AHI1: variants seen among roughly 807,000 people sequenced by gnomAD.
AHI1 encodes jouberin.
Under a neutral mutation model 149.3 loss-of-function variants are expected in AHI1, and 123 were observed. That is an observed-to-expected ratio of 0.82 (90% CI 0.71 to 0.96). The LOEUF (loss-of-function observed/expected upper bound fraction) is 0.96. AHI1 is among the 40% of genes least tolerant of loss of function. AHI1 has a pLI of 0.00. For synonymous variants in AHI1, 475 were observed against 459.8 expected (o/e 1.03, Z -0.42); for missense variants, 1,439 against 1,422.7 (o/e 1.01, Z -0.18).
At chr6:135,316,704 C>G (rs574994598) in intron 26 of AHI1, among the ~76,000 whole-genome samples, 2 of 152,090 alleles carry the variant, frequency 1.3e-5, no homozygotes, top group African/African-American at 4.8e-5. Flanking sequence ...CTATGACATA[C>G]TTTCTGGGCT....
At chr6:135,406,113 G>C (rs1028995060) in intron 21 of AHI1, among the ~76,000 whole-genome samples, 1 of 152,164 alleles carries the variant, frequency 6.6e-6, no homozygotes, top group African/African-American at 2.4e-5. Flanking sequence ...TTGACTGCAT[G>C]TTGCTGCCAC....
At chr6:135,329,947 C>G (rs1788289366) in intron 24 of AHI1, among the ~76,000 whole-genome samples, 1 of 152,180 alleles carries the variant, frequency 6.6e-6, no homozygotes, top group African/African-American at 2.4e-5. Context: ...AGCAAGAAAA[C>G]TAGAATTAGA....
intron 25 of AHI1, among the ~76,000 whole-genome samples, chr6:135,319,550 A>T (rs1484653506): frequency 1.3e-5 from 2 of 152,242 alleles, no homozygotes; most frequent in Non-Finnish European, 2.9e-5. Flanking sequence ...TATGATATTG[A>T]ATCTATATAC....
intron 5 of AHI1, among the ~76,000 whole-genome samples, chr6:135,477,719 A>C (rs1792924644): frequency 6.6e-6 from 1 of 151,754 alleles, no homozygotes; most frequent in Admixed American, 6.6e-5. Context: ...CTTCCCCTTC[A>C]CCTTCCACCA....
chr6:135,379,973 C>A, intron 23 of AHI1, among the ~76,000 whole-genome samples: 1 of 103,366 alleles, frequency 9.7e-6, no homozygotes, highest in Admixed American at 9.4e-5. Context: ...TCCCTCCCTC[C>A]CCTTCACCCT....
chr6:135,303,322 T>C (rs1293544215), intron 26 of AHI1, among the ~76,000 whole-genome samples: 1 of 152,182 alleles, frequency 6.6e-6, no homozygotes, highest in African/African-American at 2.4e-5. Context: ...GAGACTTAAA[T>C]AAGGCAAATT....
At chr6:135,334,972 C>T (rs1014100492) in intron 24 of AHI1, among the ~76,000 whole-genome samples, 6 of 152,140 alleles carry the variant, frequency 3.9e-5, no homozygotes, top group South Asian at 2.1e-4. Flanking sequence ...ATGTACCTAA[C>T]GTTTAGTTAA....
At chr6:135,289,926 A>C (rs1205948885) in intron 28 of AHI1, among the ~76,000 whole-genome samples, 1 of 147,598 alleles carries the variant, frequency 6.8e-6, no homozygotes, top group Non-Finnish European at 1.5e-5. Context: ...ATCCAAACAC[A>C]TTTTCCCACT....
chr6:135,429,195 T>G (rs1784313519), intron 18 of AHI1, among the ~76,000 whole-genome samples: 1 of 151,700 alleles, frequency 6.6e-6, no homozygotes, highest in African/African-American at 2.4e-5. Flanking sequence ...ATATTTGATC[T>G]CTGAAAAAAA....
intron 8 of AHI1, among the ~76,000 whole-genome samples, chr6:135,460,932 G>A (rs1320491702): frequency 6.6e-6 from 1 of 152,068 alleles, no homozygotes; most frequent in South Asian, 2.1e-4. Flanking sequence ...CTGATGAACT[G>A]CATATCTAAA....
At chr6:135,332,339 T>C (rs1428594047) in intron 24 of AHI1, among the ~76,000 whole-genome samples, 2 of 152,232 alleles carry the variant, frequency 1.3e-5, no homozygotes, top group Non-Finnish European at 2.9e-5. Flanking sequence ...AGTGTTGGGA[T>C]TACAGGCGTA....
At chr6:135,342,314 A>T (rs1049315271) in intron 24 of AHI1, among the ~76,000 whole-genome samples, 1 of 151,976 alleles carries the variant, frequency 6.6e-6, no homozygotes, top group South Asian at 2.1e-4. Context: ...CCCAGAATGC[A>T]TCATTGGTGA....
At chr6:135,319,757 T>A (rs1250769461) in intron 25 of AHI1, among the ~76,000 whole-genome samples, 1 of 152,234 alleles carries the variant, frequency 6.6e-6, no homozygotes, top group Non-Finnish European at 1.5e-5. Flanking sequence ...TTATGAGATA[T>A]ACTAATTGTC....
At chr6:135,446,592 A>ATC (rs1787265865) in intron 13 of AHI1, among the ~76,000 whole-genome samples, 2 of 152,230 alleles carry the variant, frequency 1.3e-5, no homozygotes, top group South Asian at 4.1e-4. Context: ...GAGAAAGGTG[A>ATC]TCTCTCTCTC....
chr6:135,341,346 C>T (rs1582693993), intron 24 of AHI1, among the ~76,000 whole-genome samples: 1 of 151,988 alleles, frequency 6.6e-6, no homozygotes. Context: ...AAAACTCACT[C>T]ACTAGAGACA....
At chr6:135,334,855 A>C (rs1393023881) in intron 24 of AHI1, among the ~76,000 whole-genome samples, 1 of 152,186 alleles carries the variant, frequency 6.6e-6, no homozygotes, top group Non-Finnish European at 1.5e-5. Flanking sequence ...ATCACCTGGA[A>C]ACTTGTTAGA....
At chr6:135,335,183 A>G (rs1789196712) in intron 24 of AHI1, among the ~76,000 whole-genome samples, 1 of 152,104 alleles carries the variant, frequency 6.6e-6, no homozygotes, top group South Asian at 2.1e-4. Flanking sequence ...CACATGTCAC[A>G]CTGAAATGCT....
intron 22 of AHI1, among the ~76,000 whole-genome samples, chr6:135,398,541 A>G (rs1779579256): frequency 6.6e-6 from 1 of 152,212 alleles, no homozygotes; most frequent in Non-Finnish European, 1.5e-5. Context: ...GGTACCAAGG[A>G]CTGGTGGTTC....
In AHI1 at chr6:135,490,672, T is replaced by C; in HGVS notation, c.86A>G (p.Glu29Gly). The change falls in exon 5 of 29, where the codon GAA (glutamate) becomes GGA (glycine). Residue 29 changes from glutamate to glycine, a missense_variant. By Grantham distance (98) the Glu-to-Gly change is moderately conservative. Coordinates refer to ENST00000265602, the MANE Select transcript of AHI1 (RefSeq NM_001134831.2). ...AAGTTTTTTCTTCAGTTTTTTCTTT[T>C]CACGCATTAGATCACTGTGGGTCTT... is the stretch of plus-strand genomic sequence containing the variant. Reference protein sequence around the residue: ...LLKTHSDLMREKKKLKKKLVR... With the variant: ...LLKTHSDLMRGKKKLKKKLVR... 1 of 1,613,702 alleles carries C rather than the reference T, an allele frequency of 6.2e-7. No homozygotes were observed.
Sources: allele counts gnomAD v4.1 joint callset (sites outside exome capture counted in the v4.1 genomes callset), GRCh38; gene constraint gnomAD v4.1.1; transcripts MANE v1.5; gene names NCBI Gene and HGNC (gene_info 2026-07-23, HGNC 2026-07-21).